Variants in STON2 observed in about 807,000 individuals in gnomAD.
STON2 encodes stonin-2.
STON2 carries 29 observed loss-of-function variants against 65.7 expected under a neutral mutation model. The ratio of observed to expected loss-of-function variants is 0.44; its 90% confidence interval spans 0.33 to 0.60. The LOEUF (loss-of-function observed/expected upper bound fraction) is 0.60. STON2 is among the 20% of genes least tolerant of loss of function. The probability of loss-of-function intolerance (pLI) is 0.03; values close to 1 mark genes in which losing one functional copy is unlikely to be tolerated. For synonymous variants in STON2, 404 were observed against 414.2 expected (o/e 0.98, Z 0.30); for missense variants, 1,054 against 1,118.1 (o/e 0.94, Z 0.82).
At position 81,382,949 on chromosome 14, in the gene STON2, G is replaced by T. The variant is rs28777372; in HGVS notation, c.374-11764C>A. Reference sequence around the variant, plus strand: ...TTTATTTTTCGGCTTAGAAATCTCCGATAAGTTATTTTATTCAGGTTCTTA... The same window carrying T: ...TTTATTTTTCGGCTTAGAAATCTCCTATAAGTTATTTTATTCAGGTTCTTA... On this transcript the variant is annotated intron_variant, in intron 3 of 7. Transcript: ENST00000614646. 7.6e-3 allele frequency among the ~76,000 whole-genome samples: 1,155 copies of T among 152,194 alleles called. 13 individuals carry two copies. Among genetic ancestry groups the T allele is most frequent in the African/African-American group, 0.026 (1,098 of 41,516 alleles).
At chr14:81,424,496 C>A (rs1901870734) in intron 2 of STON2, among the ~76,000 whole-genome samples, 1 of 56,580 alleles carries the variant, frequency 1.8e-5, no homozygotes, top group Non-Finnish European at 3.4e-5. Context: ...AATACACTCT[C>A]ACTAAAAAAA....
chr14:81,313,245 A>G (rs1466500405), intron 5 of STON2, among the ~76,000 whole-genome samples: 1 of 152,206 alleles, frequency 6.6e-6, no homozygotes, highest in Non-Finnish European at 1.5e-5. Flanking sequence ...TTCCAGTAGC[A>G]TATTTTGGGT....
At chr14:81,436,235 C>T (rs2139942800) in intron 1 of STON2, 1 of 151,628 alleles carries the variant, frequency 6.6e-6, no homozygotes, top group Admixed American at 6.6e-5. Flanking sequence ...GCCCCCGCCC[C>T]CGCCCCCGCC....
At chr14:81,428,281 G>A (rs1385408419) in intron 1 of STON2, among the ~76,000 whole-genome samples, 5 of 150,558 alleles carry the variant, frequency 3.3e-5, no homozygotes, top group Admixed American at 3.3e-4. Flanking sequence ...CAAGGATGGG[G>A]AAAAACACAA....
Position 81,274,563 on chromosome 14 carries a change from G to A in STON2, c.2581+2338C>T, listed in dbSNP as rs75063832. ...CTCCTTTTGGGAAATAATCTTCCCC[G>A]GTGCTACATGTTGTCTTGGTGGTCA... On this transcript the variant is annotated intron_variant, in intron 6 of 7. Transcript: ENST00000614646. 9.9e-3 allele frequency among the ~76,000 whole-genome samples: 1,499 copies of A among 151,680 alleles called. 27 individuals carry two copies. Among genetic ancestry groups the A allele is most frequent in the African/African-American group, 0.035 (1,432 of 41,316 alleles).
chr14:81,338,152 A>T (rs1897448426), intron 4 of STON2, among the ~76,000 whole-genome samples: 1 of 152,076 alleles, frequency 6.6e-6, no homozygotes, highest in Non-Finnish European at 1.5e-5. Context: ...CTTTTGTCCT[A>T]ATGAGGCAAC....
chr14:81,414,800 A>G (rs752150352), intron 2 of STON2, among the ~76,000 whole-genome samples: 2 of 152,202 alleles, frequency 1.3e-5, no homozygotes, highest in Non-Finnish European at 2.9e-5. Context: ...TTATTAAATG[A>G]AATAATAATT....
intron 1 of STON2, among the ~76,000 whole-genome samples, chr14:81,430,439 C>T (rs1017884576): frequency 6.6e-6 from 1 of 152,180 alleles, no homozygotes; most frequent in African/African-American, 2.4e-5. Flanking sequence ...GAGCCATTAG[C>T]AATCTGCAAA....
chr14:81,371,569 C>T (rs9652383), intron 3 of STON2, among the ~76,000 whole-genome samples: 26,558 of 151,338 alleles, frequency 0.18, 3,014 homozygotes, highest in East Asian at 0.44. Context: ...GTGGCTGGAG[C>T]CCGTAGTCCC....
intron 5 of STON2, among the ~76,000 whole-genome samples, chr14:81,319,304 A>T (rs1896739249): frequency 6.6e-6 from 1 of 152,178 alleles, no homozygotes; most frequent in African/African-American, 2.4e-5. Flanking sequence ...CATTATAAGT[A>T]ATTTATACCT....
intron 6 of STON2, 103 bp from the exon 7 acceptor site, chr14:81,270,975 A>T: frequency 1.4e-6 from 2 of 1,442,904 alleles, no homozygotes; most frequent in Non-Finnish European, 1.8e-6. Context: ...TGGGCTCGGC[A>T]CCCGGCAGCC....
chr14:81,285,836 T>A (rs1417365357), intron 5 of STON2, among the ~76,000 whole-genome samples: 2 of 152,058 alleles, frequency 1.3e-5, no homozygotes, highest in African/African-American at 4.8e-5. Context: ...AACCTGCACA[T>A]GTACCTGCTG....
chr14:81,347,902 C>CAAAAAAAAAAA (rs755109204), intron 4 of STON2, among the ~76,000 whole-genome samples: 28 of 51,542 alleles, frequency 5.4e-4, no homozygotes, highest in African/African-American at 1.1e-3. Context: ...TGTCTCTTAC[C>CAAAAAAAAAAA]AAAAAAAAAA....
intron 5 of STON2, among the ~76,000 whole-genome samples, chr14:81,310,186 G>A (rs1595334612): frequency 1.3e-5 from 2 of 152,122 alleles, no homozygotes; most frequent in Non-Finnish European, 1.5e-5. Context: ...AATGAGTTAA[G>A]AATATTACAC....
At chr14:81,373,855 AT>A (rs1899119396) in intron 3 of STON2, among the ~76,000 whole-genome samples, 1 of 152,164 alleles carries the variant, frequency 6.6e-6, no homozygotes, top group African/African-American at 2.4e-5. Context: ...TCTCCTGAGA[AT>A]TAATAACCAC....
At chr14:81,287,069 G>A (rs1388811537) in intron 5 of STON2, among the ~76,000 whole-genome samples, 1 of 152,188 alleles carries the variant, frequency 6.6e-6, no homozygotes, top group Non-Finnish European at 1.5e-5. Flanking sequence ...TTTACATAGA[G>A]AAGTCTTTGG....
At chr14:81,362,958 G>C (rs1898561687) in intron 4 of STON2, among the ~76,000 whole-genome samples, 1 of 152,092 alleles carries the variant, frequency 6.6e-6, no homozygotes, top group African/African-American at 2.4e-5. Flanking sequence ...CACATGATGG[G>C]GGTTTGTATA....
At chr14:81,373,993 T>C (rs924916564) in intron 3 of STON2, among the ~76,000 whole-genome samples, 11 of 136,726 alleles carry the variant, frequency 8.0e-5, no homozygotes, top group Admixed American at 1.5e-4. Flanking sequence ...AATACTATAA[T>C]AATGCCTTTT....
intron 5 of STON2, among the ~76,000 whole-genome samples, chr14:81,314,501 C>A (rs577884184): frequency 2.4e-4 from 36 of 152,374 alleles, no homozygotes; most frequent in African/African-American, 7.7e-4. Context: ...GTGAACCAGG[C>A]AGATTTTCCT....
Sources: gnomAD v4.1 joint callset for allele counts (sites outside exome capture counted in the v4.1 genomes callset) on GRCh38, gnomAD v4.1.1 for gene constraint, MANE v1.5 for transcripts, NCBI Gene and HGNC (gene_info 2026-07-23, HGNC 2026-07-21) for gene names.